Variants in NAV3 observed in about 807,000 individuals in gnomAD.
NAV3 encodes neuron navigator 3, also known as pore membrane and/or filament interacting like protein 1.
Under a neutral mutation model 244.7 loss-of-function variants are expected in NAV3, and 87 were observed. That is an observed-to-expected ratio of 0.36 (90% CI 0.30 to 0.42). The LOEUF (loss-of-function observed/expected upper bound fraction) is 0.42, where lower values mean the gene tolerates loss of function less well. Ranked by LOEUF, NAV3 falls within the 20% of genes least tolerant of loss-of-function variation. The probability of loss-of-function intolerance (pLI) is 1.00; values close to 1 mark genes in which losing one functional copy is unlikely to be tolerated. For missense variants in NAV3, 2,663 were observed against 2,893.3 expected, an observed-to-expected ratio of 0.92 and a Z score of 1.83; for synonymous variants, 1,126 against 1,042.2, an observed-to-expected ratio of 1.08 and a Z score of -1.55.
At chr12:78,205,212 T>C (rs1441064715) in intron 39 of NAV3, 74 bp downstream of exon 39, 2 of 1,430,014 alleles carry the variant, frequency 1.4e-6, no homozygotes, top group East Asian at 4.8e-5. Flanking sequence ...TAGTTATTTC[T>C]AGCGAAGACA....
chr12:77,852,972 C>T (rs1024715960), intron 1 of NAV3, among the ~76,000 whole-genome samples: 4 of 152,126 alleles, frequency 2.6e-5, no homozygotes, highest in African/African-American at 9.7e-5. Context: ...ACATAAGAAG[C>T]GATGTCTGTT....
At chr12:77,721,543 G>C (rs1180227335) in intron 2 of NAV3, among the ~76,000 whole-genome samples, 1 of 152,058 alleles carries the variant, frequency 6.6e-6, no homozygotes, top group Non-Finnish European at 1.5e-5. Flanking sequence ...ACTTAAATTA[G>C]TTCTAGATAT....
intron 2 of NAV3, among the ~76,000 whole-genome samples, chr12:77,750,916 C>G (rs904038407): frequency 6.6e-6 from 1 of 152,114 alleles, no homozygotes. Flanking sequence ...CTATAATTTG[C>G]TTAGAATTGA....
chr12:77,621,861 A>G (rs911236630), intron 2 of NAV3, among the ~76,000 whole-genome samples: 4 of 152,136 alleles, frequency 2.6e-5, no homozygotes, highest in Admixed American at 1.3e-4. Context: ...TGATACTACA[A>G]TGACAATCAT....
intron 12 of NAV3, among the ~76,000 whole-genome samples, chr12:78,083,542 G>T (rs1486657464): frequency 6.6e-6 from 1 of 152,010 alleles, no homozygotes; most frequent in Non-Finnish European, 1.5e-5. Flanking sequence ...AATTTACTGT[G>T]ATATCCACAT....
chr12:78,134,043 A>G (rs1016294535), intron 18 of NAV3, among the ~76,000 whole-genome samples: 2 of 152,216 alleles, frequency 1.3e-5, no homozygotes, highest in Non-Finnish European at 2.9e-5. Flanking sequence ...GGTTACATGC[A>G]GGAACATTAA....
At chr12:77,953,162 C>T (rs1260194345) in intron 3 of NAV3, among the ~76,000 whole-genome samples, 2 of 152,004 alleles carry the variant, frequency 1.3e-5, no homozygotes, top group African/African-American at 2.4e-5. Flanking sequence ...AAACGATGCT[C>T]ATAATTCTCC....
At chr12:77,815,088 A>G (rs1872476754) in intron 2 of NAV3, among the ~76,000 whole-genome samples, 2 of 152,180 alleles carry the variant, frequency 1.3e-5, no homozygotes, top group African/African-American at 2.4e-5. Flanking sequence ...ACAGTCCTTG[A>G]ATTTTAGTTC....
intron 2 of NAV3, among the ~76,000 whole-genome samples, chr12:77,741,097 A>T (rs1350898619): frequency 7.3e-6 from 1 of 137,328 alleles, no homozygotes; most frequent in Non-Finnish European, 1.5e-5. Flanking sequence ...GGTATAAAGA[A>T]TTGGAGCCAC....
At chr12:77,726,029 T>A (rs1184820522) in intron 2 of NAV3, among the ~76,000 whole-genome samples, 3 of 151,474 alleles carry the variant, frequency 2.0e-5, no homozygotes, top group African/African-American at 7.2e-5. Flanking sequence ...AACCGGATAA[T>A]CCAGGACAAA....
intron 21 of NAV3, among the ~76,000 whole-genome samples, chr12:78,147,889 C>T (rs1211973759): frequency 6.6e-6 from 1 of 152,002 alleles, no homozygotes; most frequent in Non-Finnish European, 1.5e-5. Context: ...GAATGTTTAA[C>T]ATCCAAGTAA....
Position 77,951,715 on chromosome 12 carries a change from T to C in NAV3, c.414+10582T>C, listed in dbSNP as rs563689392. Among the ~76,000 whole-genome samples, 4 of 152,232 alleles carry C rather than the reference T, an allele frequency of 2.6e-5. No individual in the cohort carries two copies. The South Asian group carries it at 6.2e-4, about 24-fold the overall frequency. On this transcript the variant is annotated intron_variant, in intron 3 of 39. Transcript: ENST00000397909. ...CTGGATTAAGAAAATGTGGCACATA[T>C]ACACCATGGAATACTATGCAGCCAT...
intron 5 of NAV3, among the ~76,000 whole-genome samples, chr12:77,984,689 A>G (rs1870167301): frequency 6.6e-6 from 1 of 152,178 alleles, no homozygotes; most frequent in African/African-American, 2.4e-5. Context: ...GATGTTTACT[A>G]CTGGCATTTC....
At chr12:77,748,933 A>G (rs1169953205) in intron 2 of NAV3, among the ~76,000 whole-genome samples, 1 of 152,228 alleles carries the variant, frequency 6.6e-6, no homozygotes, top group Admixed American at 6.5e-5. Context: ...TAACTGTATA[A>G]TCATTTCACA....
At chr12:77,765,068 C>T (rs901572889) in intron 2 of NAV3, among the ~76,000 whole-genome samples, 6 of 152,166 alleles carry the variant, frequency 3.9e-5, no homozygotes, top group African/African-American at 1.4e-4. Context: ...GGGGAAGTCC[C>T]CAGAAATCCT....
At position 77,600,354 on chromosome 12, in the gene NAV3, ACTCT is replaced by A. The variant is rs552853641; in HGVS notation, c.72+28095_72+28098del. On this transcript the variant is annotated intron_variant, in intron 2 of 8. Coordinates refer to the NAV3 transcript ENST00000550042. ...CTACTGACTGGCCCAGGACATCTCA[ACTCT>A]CTCTCTTACTAAAGTTTCTAACCCA... Among the ~76,000 whole-genome samples the A allele has an allele frequency of 2.5e-4, 38 of 151,814 alleles. No homozygotes were observed. In the East Asian group the frequency reaches 7.0e-3, roughly 28 times the overall value.
intron 2 of NAV3, among the ~76,000 whole-genome samples, chr12:77,739,072 A>G (rs1868279962): frequency 6.6e-6 from 1 of 151,330 alleles, no homozygotes; most frequent in Non-Finnish European, 1.5e-5. Flanking sequence ...TTCTGTTCAA[A>G]TCCTGGCTCT....
intron 1 of NAV3, among the ~76,000 whole-genome samples, chr12:77,872,490 G>A (rs1485786792): frequency 2.6e-5 from 4 of 152,168 alleles, no homozygotes; most frequent in Non-Finnish European, 5.9e-5. Flanking sequence ...TGAAGGGTTG[G>A]TGTTTGGGGA....
chr12:78,148,620 A>G (rs989516807), intron 21 of NAV3, among the ~76,000 whole-genome samples: 9 of 152,118 alleles, frequency 5.9e-5, no homozygotes, highest in African/African-American at 1.7e-4. Context: ...AAGTGAGCGT[A>G]CTTTGATTTG....
Sources: gnomAD v4.1 joint callset for allele counts (sites outside exome capture counted in the v4.1 genomes callset) on GRCh38, gnomAD v4.1.1 for gene constraint, MANE v1.5 for transcripts, NCBI Gene and HGNC (gene_info 2026-07-23, HGNC 2026-07-21) for gene names.